Variants in SLC2A13 observed in about 807,000 individuals in gnomAD.
The protein encoded by SLC2A13 is proton myo-inositol cotransporter.
SLC2A13 carries 32 observed loss-of-function variants against 64.4 expected under a neutral mutation model. That is an observed-to-expected ratio of 0.50 (90% CI 0.37 to 0.67). The LOEUF (loss-of-function observed/expected upper bound fraction) is 0.67, where lower values mean the gene tolerates loss of function less well. Ranked by LOEUF, SLC2A13 falls within the 30% of genes least tolerant of loss-of-function variation. The pLI is 0.00. For missense variants in SLC2A13, 743 were observed against 829.2 expected, an observed-to-expected ratio of 0.90 and a Z score of 1.28; for synonymous variants, 338 against 327.1, an observed-to-expected ratio of 1.03 and a Z score of -0.36.
chr12:40,096,151 G>A (rs1008510608), intron 1 of SLC2A13, among the ~76,000 whole-genome samples: 1 of 150,314 alleles, frequency 6.7e-6, no homozygotes, highest in Non-Finnish European at 1.5e-5. Context: ...GGATGGTCTC[G>A]ATCTCCTGAC....
chr12:39,896,272 ATGTATACATGTATGTATATGTGTGTATAT>A (rs1944855370), intron 4 of SLC2A13, among the ~76,000 whole-genome samples: 1 of 131,992 alleles, frequency 7.6e-6, no homozygotes, highest in African/African-American at 2.8e-5. Context: ...GTGTGTATAT[ATGTATACATGTATGTATATGTGTGTATAT>A]ATGTATACAT....
intron 1 of SLC2A13, among the ~76,000 whole-genome samples, chr12:40,082,919 C>T (rs573059056): frequency 6.6e-6 from 1 of 152,138 alleles, no homozygotes; most frequent in African/African-American, 2.4e-5. Context: ...TTTCCTCCCC[C>T]ACTTCAGCCC....
rs1555144676 is a variant in SLC2A13 at position 39,972,022 on chromosome 12, T to TTTTATATA, written c.926-20658_926-20657insTATATAAA. Among the ~76,000 whole-genome samples the TTTTATATA allele has an allele frequency of 5.1e-3, 475 of 92,328 alleles. 10 individuals are homozygous for TTTTATATA. Among genetic ancestry groups the TTTTATATA allele is most frequent in the African/African-American group, 0.012 (284 of 24,312 alleles). 60.6% of individuals were successfully genotyped at this position (92,328 alleles called of 152,430 possible). ...AATATATATATATATATATTTTTTT[T>TTTTATATA]TATATAAATATATATATAAATTATA... On this transcript the variant is annotated intron_variant, in intron 3 of 9. Coordinates refer to ENST00000280871, the MANE Select transcript of SLC2A13 (RefSeq NM_052885.4).
chr12:39,960,907 C>A (rs527549969), intron 3 of SLC2A13, among the ~76,000 whole-genome samples: 1 of 150,832 alleles, frequency 6.6e-6, no homozygotes, highest in Non-Finnish European at 1.5e-5. Flanking sequence ...GCCACCACAG[C>A]TGGCAAAATT....
At chr12:40,080,310 G>A (rs1592066224) in intron 1 of SLC2A13, among the ~76,000 whole-genome samples, 1 of 152,148 alleles carries the variant, frequency 6.6e-6, no homozygotes, top group East Asian at 1.9e-4. Context: ...TCTCCTGAAG[G>A]TAGCATACAG....
intron 3 of SLC2A13, among the ~76,000 whole-genome samples, chr12:39,957,998 AAGGACCCACAAG>A (rs1391968523): frequency 6.6e-6 from 1 of 152,202 alleles, no homozygotes; most frequent in Non-Finnish European, 1.5e-5. Flanking sequence ...AGGCATAAGG[AAGGACCCACAAG>A]AGGTATGCCA....
At chr12:39,885,080 T>TTAA (rs1322735037) in intron 4 of SLC2A13, among the ~76,000 whole-genome samples, 3 of 152,194 alleles carry the variant, frequency 2.0e-5, no homozygotes, top group African/African-American at 7.2e-5. Context: ...GTGACTACAT[T>TTAA]TAAGAGTTGC....
At chr12:40,024,287 G>C (rs1415769140) in intron 3 of SLC2A13, among the ~76,000 whole-genome samples, 1 of 152,132 alleles carries the variant, frequency 6.6e-6, no homozygotes, top group Non-Finnish European at 1.5e-5. Flanking sequence ...TAACACTTAG[G>C]CTTGGGAACC....
At position 39,945,943 on chromosome 12, in the gene SLC2A13, A is replaced by G. The variant is rs142338682; in HGVS notation, c.1034+5314T>C. ...GTGTTGAAGAGCCTTGTTTTGTCAT[A>G]TAGCCATGGTTGGCCTTCTGGTTCC... On this transcript the variant is annotated intron_variant, in intron 4 of 9. Transcript: ENST00000280871. Among the ~76,000 whole-genome samples, 31 of 152,092 alleles carry G rather than the reference A, an allele frequency of 2.0e-4. No individual in the cohort carries two copies. The East Asian group carries it at 6.0e-3, about 30-fold the overall frequency.
intron 3 of SLC2A13, among the ~76,000 whole-genome samples, chr12:40,020,429 G>A (rs753958366): frequency 1.7e-4 from 26 of 152,128 alleles, no homozygotes; most frequent in African/African-American, 6.0e-4. Context: ...CATGTGAGAC[G>A]TGCCTTTCTT....
At chr12:40,100,780 A>T (rs1316228042) in intron 1 of SLC2A13, among the ~76,000 whole-genome samples, 1 of 152,042 alleles carries the variant, frequency 6.6e-6, no homozygotes, top group African/African-American at 2.4e-5. Flanking sequence ...CTTGGCCAAC[A>T]TGGTGAAACC....
rs1326890691 is a variant in SLC2A13, at chr12:39,758,190, T to A, written c.*1836A>T. The A allele has an allele frequency of 6.6e-6, 1 of 151,714 alleles. No individual in the cohort carries two copies. The highest frequency in any genetic ancestry group is 1.5e-5 in the Non-Finnish European group (1 of 67,736). The allele number at this position is 151,714 out of a possible 1,614,324, so 9.4% of individuals were successfully genotyped here. ...ACCTCTATAAAATATTAATTTTTTT[T>A]ATTATATGAAATGACCAAAGGGAGA... On this transcript the variant is annotated 3_prime_UTR_variant, in exon 10 of 10. Transcript: ENST00000280871.
chr12:40,054,151 G>A (rs748781117), intron 1 of SLC2A13, among the ~76,000 whole-genome samples: 1 of 151,996 alleles, frequency 6.6e-6, no homozygotes, highest in Non-Finnish European at 1.5e-5. Flanking sequence ...CCTAAAACCT[G>A]TTTTAAAGAA....
At chr12:39,951,071 C>A in intron 4 of SLC2A13, 186 bp downstream of exon 4, 1 of 490,842 alleles carries the variant, frequency 2.0e-6, no homozygotes, top group Non-Finnish European at 3.5e-6. Flanking sequence ...AAATAAATCA[C>A]CTTTATCTAG....
chr12:40,062,780 A>G (rs1948444697), intron 1 of SLC2A13, among the ~76,000 whole-genome samples: 1 of 152,174 alleles, frequency 6.6e-6, no homozygotes. Flanking sequence ...CATTAACATT[A>G]ATTATGCTCT....
At chr12:40,054,485 C>T (rs1012488806) in intron 1 of SLC2A13, among the ~76,000 whole-genome samples, 4 of 151,706 alleles carry the variant, frequency 2.6e-5, no homozygotes, top group African/African-American at 4.8e-5. Flanking sequence ...TAAACATAAC[C>T]ACAAAAATCC....
At chr12:39,880,614 A>G (rs752964060) in intron 4 of SLC2A13, among the ~76,000 whole-genome samples, 32 of 152,202 alleles carry the variant, frequency 2.1e-4, no homozygotes, top group Non-Finnish European at 4.1e-4. Context: ...ATTAGAAAAT[A>G]ATTTTCATAA....
chr12:39,815,589 T>C (rs774312152), intron 7 of SLC2A13, among the ~76,000 whole-genome samples: 2 of 152,192 alleles, frequency 1.3e-5, no homozygotes, highest in African/African-American at 2.4e-5. Context: ...GAGAAGTTTC[T>C]AGTTTGGGGG....
chr12:40,084,147 T>C (rs1460777212), intron 1 of SLC2A13, among the ~76,000 whole-genome samples: 1 of 152,224 alleles, frequency 6.6e-6, no homozygotes, highest in Non-Finnish European at 1.5e-5. Flanking sequence ...AGTACACATC[T>C]GGCAGGGTAA....
Sources: allele counts gnomAD v4.1 joint callset (sites outside exome capture counted in the v4.1 genomes callset), GRCh38; gene constraint gnomAD v4.1.1; transcripts MANE v1.5; gene names NCBI Gene and HGNC (gene_info 2026-07-23, HGNC 2026-07-21).